The following WHRN variants were observed in gnomAD, a reference collection of about 807,000 sequenced individuals.
WHRN encodes the protein whirlin.
WHRN carries 41 observed loss-of-function variants against 68.3 expected under a neutral mutation model. That is an observed-to-expected ratio of 0.60 (90% CI 0.47 to 0.78). The LOEUF is 0.78. Among genes scored for constraint, WHRN ranks in the 30% least tolerant of loss-of-function variants. The pLI, the probability that WHRN is intolerant of heterozygous loss-of-function variation, is 0.00. For synonymous variants in WHRN, 560 were observed against 561.3 expected, an observed-to-expected ratio of 1.00 and a Z score of 0.03; for missense variants, 1,243 against 1,244.7, an observed-to-expected ratio of 1.00 and a Z score of 0.02.
At chr9:114,466,472 C>T (rs537133812) in intron 2 of WHRN, 80 bp from the exon 3 acceptor site, 18 of 1,596,044 alleles carry the variant, frequency 1.1e-5, no homozygotes, top group Non-Finnish European at 1.4e-5. Context: ...AGCCCCCTCT[C>T]GTACTTTGAA....
chr9:114,406,931 C>T, intron 8 of WHRN, 39 bp from the exon 9 acceptor site: 1 of 1,550,796 alleles, frequency 6.4e-7, no homozygotes, highest in Admixed American at 2.0e-5. Flanking sequence ...GAGTCAGACC[C>T]CATCACGCCT....
At position 114,425,031 on chromosome 9, in the gene WHRN, G is replaced by A. The variant is rs1430457982; in HGVS notation, c.1167-7C>T. ...TGTGAGATCGCCAAGAAACCTGTGG[G>A]GAAAGACACACATCTCCAGTTGTGC... On this transcript the variant is annotated splice_region_variant and splice_polypyrimidine_tract_variant and intron_variant, in intron 4 of 11. Coordinates refer to ENST00000362057, the MANE Select transcript of WHRN (RefSeq NM_015404.4). The A allele has an allele frequency of 6.2e-7, 1 of 1,614,010 alleles. No homozygotes were observed. The highest frequency in any genetic ancestry group is 8.5e-7 in the Non-Finnish European group (1 of 1,180,004).
chr9:114,481,093 C>T (rs1188724204), intron 1 of WHRN, among the ~76,000 whole-genome samples: 3 of 152,178 alleles, frequency 2.0e-5, no homozygotes, highest in Non-Finnish European at 4.4e-5. Flanking sequence ...CCCCAATTTG[C>T]ACATACAGCT....
intron 1 of WHRN, among the ~76,000 whole-genome samples, chr9:114,490,945 T>G (rs1372799611): frequency 2.0e-5 from 3 of 152,262 alleles, no homozygotes; most frequent in Non-Finnish European, 4.4e-5. Context: ...TTTTAGTCTG[T>G]TATAATTTAA....
intron 8 of WHRN, among the ~76,000 whole-genome samples, chr9:114,407,674 CAGAG>C (rs1183776617): frequency 7.0e-6 from 1 of 142,112 alleles, no homozygotes; most frequent in Non-Finnish European, 1.6e-5. Context: ...AACTGAGGCA[CAGAG>C]AGGCTAAGAA....
At position 114,474,192 on chromosome 9, in the gene WHRN, C is replaced by T. The variant is rs557351920; in HGVS notation, c.837+4361G>A. On this transcript the variant is annotated intron_variant, in intron 2 of 11. Coordinates refer to ENST00000362057, the MANE Select transcript of WHRN (RefSeq NM_015404.4). ...AGTACTGGAACCTTCCCCCAAGGTT[C>T]ATTTTCCACCTTTGAAGTTCACCTT... 7.9e-5 allele frequency among the ~76,000 whole-genome samples: 12 copies of T among 152,280 alleles called. No homozygotes were observed. The South Asian group carries it at 2.3e-3, about 29-fold the overall frequency.
chr9:114,438,454 CTT>C (rs869187937), intron 3 of WHRN, among the ~76,000 whole-genome samples: 18 of 134,122 alleles, frequency 1.3e-4, no homozygotes, highest in Admixed American at 3.7e-4. Context: ...TCTTTTTTTT[CTT>C]TTTTTTTTTT....
At chr9:114,431,710 T>C (rs1470769022) in intron 3 of WHRN, among the ~76,000 whole-genome samples, 1 of 152,222 alleles carries the variant, frequency 6.6e-6, no homozygotes, top group East Asian at 1.9e-4. Context: ...AATGTGGCTT[T>C]TTCCTACCCA....
chr9:114,478,848 C>A, intron 1 of WHRN, 77 bp from the exon 2 acceptor site: 1 of 1,460,642 alleles, frequency 6.8e-7, no homozygotes, highest in Non-Finnish European at 9.3e-7. Flanking sequence ...CTGGCCCAGA[C>A]CTTGGTTTTT....
In WHRN at chr9:114,462,788, A is replaced by G. The variant is rs528336960; in HGVS notation, c.963+3479T>C. 2.6e-5 allele frequency among the ~76,000 whole-genome samples: 4 copies of G among 152,356 alleles called. No homozygotes were observed. The East Asian group carries it at 7.7e-4, about 29-fold the overall frequency. On this transcript the variant is annotated intron_variant, in intron 3 of 11. Coordinates refer to ENST00000362057, the MANE Select transcript of WHRN (RefSeq NM_015404.4). ...CTATCGTCTATAAATTGGCGAGAAG[A>G]ACATTCTTTTTTAAAATGTATCATT... is the stretch of plus-strand genomic sequence containing the variant.
intron 7 of WHRN, among the ~76,000 whole-genome samples, chr9:114,421,664 G>C (rs1254363923): frequency 6.6e-6 from 1 of 152,240 alleles, no homozygotes; most frequent in Non-Finnish European, 1.5e-5. Context: ...GCCAATCTCA[G>C]TGGAGCCTAT....
intron 3 of WHRN, among the ~76,000 whole-genome samples, chr9:114,456,601 G>A (rs1395324492): frequency 2.6e-5 from 4 of 152,146 alleles, no homozygotes; most frequent in African/African-American, 4.8e-5. Context: ...GCTGAGGTGG[G>A]CGAATCACTT....
intron 6 of WHRN, 54 bp from the exon 7 acceptor site, chr9:114,423,577 A>G (rs1240246196): frequency 6.5e-7 from 1 of 1,526,772 alleles, no homozygotes; most frequent in Non-Finnish European, 8.9e-7. Context: ...AGAAGGTGGA[A>G]CAGGGGCCCT....
rs190814968 is a variant in WHRN at position 114,482,672 on chromosome 9, A to G, written c.619-3901T>C. On this transcript the variant is annotated intron_variant, in intron 1 of 11. Coordinates refer to ENST00000362057, the MANE Select transcript of WHRN (RefSeq NM_015404.4). Reference sequence around the variant, plus strand: ...AAAACCATGCGGTAGCAAAACGTTGACCAAGGAGTTTAAAAAAAAAAAGGG... The same window carrying G: ...AAAACCATGCGGTAGCAAAACGTTGGCCAAGGAGTTTAAAAAAAAAAAGGG... Among the ~76,000 whole-genome samples the G allele has an allele frequency of 2.2e-4, 34 of 152,064 alleles. 1 individual carries two copies. Among genetic ancestry groups the G allele is most frequent in the African/African-American group, 7.7e-4 (32 of 41,444 alleles).
chr9:114,461,447 T>C (rs1840238364), intron 3 of WHRN, among the ~76,000 whole-genome samples: 1 of 152,204 alleles, frequency 6.6e-6, no homozygotes, highest in South Asian at 2.1e-4. Context: ...CCCACAGACA[T>C]CTTTCCACAT....
chr9:114,443,404 A>C (rs1838550134), intron 3 of WHRN, among the ~76,000 whole-genome samples: 1 of 152,144 alleles, frequency 6.6e-6, no homozygotes, highest in African/African-American at 2.4e-5. Flanking sequence ...TGCCCTTTCC[A>C]AGCTACCAGA....
At chr9:114,447,782 G>C (rs1838965625) in intron 3 of WHRN, among the ~76,000 whole-genome samples, 2 of 151,404 alleles carry the variant, frequency 1.3e-5, no homozygotes, top group African/African-American at 4.9e-5. Flanking sequence ...CTTTCTCTCT[G>C]TCTCTCTCTC....
At chr9:114,501,130 T>C (rs1197199788) in intron 1 of WHRN, among the ~76,000 whole-genome samples, 1 of 152,204 alleles carries the variant, frequency 6.6e-6, no homozygotes, top group East Asian at 1.9e-4. Flanking sequence ...ACACAGGAAG[T>C]ATGCAGCAGG....
chr9:114,452,345 G>C (rs1372801830), intron 3 of WHRN, among the ~76,000 whole-genome samples: 2 of 152,202 alleles, frequency 1.3e-5, no homozygotes, highest in African/African-American at 2.4e-5. Context: ...GAAGTGGGGA[G>C]AGCTGGCTGG....
Sources: allele counts gnomAD v4.1 joint callset (sites outside exome capture counted in the v4.1 genomes callset), GRCh38; gene constraint gnomAD v4.1.1; transcripts MANE v1.5; gene names NCBI Gene and HGNC (gene_info 2026-07-23, HGNC 2026-07-21).